Variants in NHS observed in about 807,000 individuals in gnomAD.
The protein encoded by NHS is actin remodeling regulator NHS.
A neutral mutation model predicts 72.5 loss-of-function variants in NHS; 5 were observed. That is an observed-to-expected ratio of 0.07 (90% CI 0.04 to 0.14). The LOEUF (loss-of-function observed/expected upper bound fraction) is 0.14, where lower values mean the gene tolerates loss of function less well. Ranked by LOEUF, NHS falls within the 10% of genes least tolerant of loss-of-function variation. NHS has a pLI of 1.00. For synonymous variants in NHS, 464 were observed against 547.7 expected, an observed-to-expected ratio of 0.85 and a Z score of 2.13; for missense variants, 1,072 against 1,355.7, an observed-to-expected ratio of 0.79 and a Z score of 3.29.
At chrX:17,472,442 C>G (rs982433942) in intron 1 of NHS, among the ~76,000 whole-genome samples, 6 of 111,243 alleles carry the variant, frequency 5.4e-5, no homozygotes, top group Non-Finnish European at 1.1e-4. Context: ...TTACCCCAAC[C>G]CCATTCTTCA....
At chrX:17,418,304 T>C (rs1291613571) in intron 1 of NHS, among the ~76,000 whole-genome samples, 1 of 111,903 alleles carries the variant, frequency 8.9e-6, no homozygotes, top group Non-Finnish European at 1.9e-5. Context: ...ATTCTCTGAA[T>C]GTTGGAGACG....
chrX:17,553,085 A>T (rs1012133699), intron 1 of NHS, among the ~76,000 whole-genome samples: 24 of 112,692 alleles, frequency 2.1e-4, no homozygotes, highest in Non-Finnish European at 3.8e-4. Flanking sequence ...AGACCACCCT[A>T]TCACTCTTAT....
At chrX:17,486,865 C>G (rs781381959) in intron 1 of NHS, among the ~76,000 whole-genome samples, 9 of 111,550 alleles carry the variant, frequency 8.1e-5, no homozygotes, top group Non-Finnish European at 1.1e-4. Context: ...TATTCATTTT[C>G]CAATAAACTT....
chrX:17,728,035 G>T lies in NHS; in HGVS notation c.3929G>T (p.Gly1310Val), dbSNP rs41304731. The change falls in exon 7 of 9, where the codon GGT (glycine) becomes GTT (valine). Residue 1310 changes from glycine (G) to valine (V), a missense_variant. Transcript: ENST00000676302. Reference protein sequence around the residue: ...LEQVQKAPSAGLEEVAQPESV... With the variant: ...LEQVQKAPSAVLEEVAQPESV... Reference sequence around the variant, plus strand: ...CAGGTACAGAAGGCACCCTCTGCAGGTCTGGAGGAAGTTGCACAACCTGAA... The same window carrying T: ...CAGGTACAGAAGGCACCCTCTGCAGTTCTGGAGGAAGTTGCACAACCTGAA... 1,585 of 1,209,897 alleles carry T rather than the reference G, an allele frequency of 1.3e-3. No homozygotes were observed. Among genetic ancestry groups the T allele is most frequent in the Non-Finnish European group, 1.7e-3 (1,484 of 895,247 alleles).
chrX:17,621,200 G>A (rs2065772153), intron 1 of NHS, among the ~76,000 whole-genome samples: 1 of 112,393 alleles, frequency 8.9e-6, no homozygotes, highest in African/African-American at 3.2e-5. Context: ...GACTGGACCT[G>A]GGGATTGGGA....
rs201312598 is a variant in NHS, at chrX:17,673,179, C to A, written c.566-14563C>A. Among the ~76,000 whole-genome samples the A allele has an allele frequency of 2.5e-4, 3 of 11,867 alleles. No individual in the cohort carries two copies. In the East Asian group the frequency reaches 9.9e-3, roughly 39 times the overall value. 10.3% of individuals were successfully genotyped at this position (11,867 alleles called of 115,157 possible). On this transcript the variant is annotated intron_variant, in intron 1 of 8. Coordinates refer to ENST00000676302, the MANE Select transcript of NHS (RefSeq NM_001291867.2). Reference sequence around the variant, plus strand: ...ACCATTGCTTAGCTGGAAGATGAAACACACACACACACACACACACACACA... The same window carrying A: ...ACCATTGCTTAGCTGGAAGATGAAAAACACACACACACACACACACACACA...
At chrX:17,490,719 A>G (rs920953186) in intron 1 of NHS, among the ~76,000 whole-genome samples, 2 of 112,057 alleles carry the variant, frequency 1.8e-5, no homozygotes, top group Non-Finnish European at 1.9e-5. Flanking sequence ...TTTGGGCAGT[A>G]TGGCCATTTT....
chrX:17,427,425 C>T (rs184797131), intron 1 of NHS, among the ~76,000 whole-genome samples: 55 of 112,266 alleles, frequency 4.9e-4, no homozygotes, highest in African/African-American at 1.7e-3. Flanking sequence ...CAACTCATGC[C>T]GCTGTTGTTA....
intron 1 of NHS, among the ~76,000 whole-genome samples, chrX:17,607,533 C>G (rs1281397223): frequency 9.0e-6 from 1 of 111,405 alleles, no homozygotes; most frequent in Admixed American, 9.5e-5. Context: ...CTGTTTCTCC[C>G]CCTAGTAAGG....
chrX:17,597,783 T>A, intron 1 of NHS, among the ~76,000 whole-genome samples: 1 of 110,315 alleles, frequency 9.1e-6, no homozygotes, highest in Non-Finnish European at 1.9e-5. Context: ...GAAGAGTGGG[T>A]CGAGCCACAC....
chrX:17,672,124 A>G (rs1188523135), intron 1 of NHS, among the ~76,000 whole-genome samples: 2 of 112,501 alleles, frequency 1.8e-5, no homozygotes, highest in African/African-American at 6.5e-5. Context: ...AGTTCATTGA[A>G]TTAGTGTACC....
At chrX:17,583,148 C>T (rs757820633) in intron 1 of NHS, among the ~76,000 whole-genome samples, 1 of 112,120 alleles carries the variant, frequency 8.9e-6, no homozygotes, top group East Asian at 2.8e-4. Flanking sequence ...TCTTGCATAG[C>T]TAATCAACAA....
rs149893175 is a variant in NHS, at chrX:17,535,572, C to T, written c.566-152170C>T. On this transcript the variant is annotated intron_variant, in intron 1 of 8. Coordinates refer to ENST00000676302, the MANE Select transcript of NHS (RefSeq NM_001291867.2). Reference sequence around the variant, plus strand: ...AGTCTGGGGAGTGGTGAGGAGTGGCCGAATGCTAACTTTTTCTTTTAGAGA... The same window carrying T: ...AGTCTGGGGAGTGGTGAGGAGTGGCTGAATGCTAACTTTTTCTTTTAGAGA... Among the ~76,000 whole-genome samples the T allele has an allele frequency of 9.4e-4, 104 of 110,639 alleles. 1 individual carries two copies. Among genetic ancestry groups the T allele is most frequent in the Non-Finnish European group, 1.5e-3 (80 of 52,796 alleles).
At chrX:17,611,556 T>C (rs1397975536) in intron 1 of NHS, among the ~76,000 whole-genome samples, 1 of 112,388 alleles carries the variant, frequency 8.9e-6, no homozygotes. Context: ...TCTTTTTTTT[T>C]TTAATAGAAA....
chrX:17,441,140 TGATATAAA>T (rs1040844853), intron 1 of NHS, among the ~76,000 whole-genome samples: 5 of 112,336 alleles, frequency 4.5e-5, no homozygotes, highest in African/African-American at 1.6e-4. Flanking sequence ...TAAGACCTAG[TGATATAAA>T]GATGGCAGAC....
At chrX:17,505,036 G>GTATA (rs757176673) in intron 1 of NHS, among the ~76,000 whole-genome samples, 1 of 110,027 alleles carries the variant, frequency 9.1e-6, no homozygotes, top group Non-Finnish European at 1.9e-5. Context: ...GAATATATAT[G>GTATA]TATATATATA....
intron 1 of NHS, among the ~76,000 whole-genome samples, chrX:17,550,820 G>A (rs753825774): frequency 1.3e-3 from 146 of 111,959 alleles, no homozygotes; most frequent in African/African-American, 4.1e-3. Flanking sequence ...GACTCACTCA[G>A]GGTATGAGCC....
chrX:17,622,801 A>C (rs780376559), intron 1 of NHS, among the ~76,000 whole-genome samples: 1 of 111,824 alleles, frequency 8.9e-6, no homozygotes, highest in Admixed American at 9.4e-5. Context: ...CCCTGCAATC[A>C]GGCGTGGTTT....
intron 1 of NHS, among the ~76,000 whole-genome samples, chrX:17,670,174 C>T (rs756957073): frequency 1.6e-4 from 18 of 112,266 alleles, no homozygotes; most frequent in Admixed American, 4.7e-4. Flanking sequence ...GCCACTTGTC[C>T]CCAGTGGCTT....
Sources: gnomAD v4.1 joint callset for allele counts (sites outside exome capture counted in the v4.1 genomes callset) on GRCh38, gnomAD v4.1.1 for gene constraint, MANE v1.5 for transcripts, NCBI Gene and HGNC (gene_info 2026-07-23, HGNC 2026-07-21) for gene names.